The following HPS1 variants were observed in gnomAD, a reference collection of about 807,000 sequenced individuals.
The protein encoded by HPS1 is BLOC-3 complex member HPS1.
HPS1 carries 59 observed loss-of-function variants against 90.6 expected under a neutral mutation model. That is an observed-to-expected ratio of 0.65 (90% CI 0.53 to 0.81). The LOEUF (loss-of-function observed/expected upper bound fraction) is 0.81. HPS1 is among the 30% of genes least tolerant of loss of function. HPS1 has a pLI of 0.00. For synonymous variants in HPS1, 388 were observed against 384.4 expected, an observed-to-expected ratio of 1.01 and a Z score of -0.11; for missense variants, 849 against 896.7, an observed-to-expected ratio of 0.95 and a Z score of 0.68.
At chr10:98,429,961 C>T (rs948641717) in intron 8 of HPS1, 72 bp from the exon 9 acceptor site, 130 of 1,399,482 alleles carry the variant, frequency 9.3e-5, no homozygotes, top group Admixed American at 2.4e-4. Context: ...TGCCTCCCAG[C>T]GCTTCACAGA....
chr10:98,429,769 C>G, intron 9 of HPS1, 22 bp downstream of exon 9: 1 of 1,613,732 alleles, frequency 6.2e-7, no homozygotes, highest in South Asian at 1.1e-5. Context: ...GCCCCTGACT[C>G]CACGAAGTGC....
chr10:98,420,225 G>GAAGGAAGGA (rs1844677841), intron 17 of HPS1, 67 bp from the exon 18 acceptor site: 1 of 1,172,606 alleles, frequency 8.5e-7, no homozygotes, highest in Admixed American at 1.7e-5. Context: ...TCTCACCTCC[G>GAAGGAAGGA]AAGGAAGGAA....
rs983326866 is a variant in HPS1 at position 98,424,669 on chromosome 10, G to A, written c.1336-295C>T. Among the ~76,000 whole-genome samples the A allele has an allele frequency of 7.9e-5, 12 of 152,280 alleles. 1 individual carries two copies. Among genetic ancestry groups the A allele is most frequent in the African/African-American group, 2.9e-4 (12 of 41,558 alleles). On this transcript the variant is annotated intron_variant, in intron 13 of 19. Transcript: ENST00000361490. ...AGCAACCAGGCCAGCCCCTCGGGGT[G>A]GGGGGCACACACAGGGCAGCGGCTG...
chr10:98,439,032 G>C (rs1307455795), intron 3 of HPS1, among the ~76,000 whole-genome samples: 3 of 152,220 alleles, frequency 2.0e-5, no homozygotes, highest in Non-Finnish European at 2.9e-5. Flanking sequence ...CCTACATGTG[G>C]TATTGGGCCC....
Position 98,429,805 on chromosome 10 carries a change from T to TC in HPS1, c.852dup (p.Ser285GlufsTer14). ...ACAGCACACACCGTCTCTGCAGAGCTCCCCCCAGTTGGGCCCGTGGAGTGA... is the reference window on the plus strand; with the variant it reads ...ACAGCACACACCGTCTCTGCAGAGCTCCCCCCCAGTTGGGCCCGTGGAGTGA... On this transcript the variant is annotated frameshift_variant, in exon 9 of 20. Coordinates refer to ENST00000361490, the MANE Select transcript of HPS1 (RefSeq NM_000195.5). LOFTEE classifies it high-confidence loss of function. 1 of 1,613,514 alleles carries TC rather than the reference T, an allele frequency of 6.2e-7. No homozygotes were observed.
intron 3 of HPS1, among the ~76,000 whole-genome samples, chr10:98,439,254 G>A (rs1317052730): frequency 2.0e-5 from 3 of 152,142 alleles, no homozygotes; most frequent in South Asian, 2.1e-4. Context: ...GTAAGAATAG[G>A]GCCATCATCC....
chr10:98,430,996 CA>C, intron 7 of HPS1, 134 bp downstream of exon 7: 1 of 918,936 alleles, frequency 1.1e-6, no homozygotes, highest in Non-Finnish European at 1.7e-6. Context: ...GTTGGAGAAT[CA>C]AATCTGGGAA....
chr10:98,431,364 G>C (rs1427626034), intron 6 of HPS1, 73 bp from the exon 7 acceptor site: 1 of 1,487,602 alleles, frequency 6.7e-7, no homozygotes, highest in Admixed American at 1.8e-5. Context: ...TGGGCTAGTG[G>C]GGACATTCAC....
chr10:98,439,856 A>G (rs963141210), intron 3 of HPS1, among the ~76,000 whole-genome samples: 1 of 152,170 alleles, frequency 6.6e-6, no homozygotes, highest in African/African-American at 2.4e-5. Flanking sequence ...CACAATCCTC[A>G]TATGTCAACG....
At chr10:98,422,299 A>C in intron 17 of HPS1, 70 bp downstream of exon 17, 1 of 1,567,032 alleles carries the variant, frequency 6.4e-7, no homozygotes, top group Non-Finnish European at 8.8e-7. Flanking sequence ...AGGCATGTGG[A>C]TCACACCAGG....
intron 2 of HPS1, among the ~76,000 whole-genome samples, chr10:98,444,210 A>G (rs529118052): frequency 2.4e-4 from 36 of 152,206 alleles, no homozygotes; most frequent in African/African-American, 8.7e-4. Flanking sequence ...TGCAGCTTCT[A>G]GGGCCACAGC....
chr10:98,446,522 G>T (rs1483718756), intron 1 of HPS1, among the ~76,000 whole-genome samples: 2 of 152,170 alleles, frequency 1.3e-5, no homozygotes, highest in Non-Finnish European at 2.9e-5. Context: ...TTCGGAGCCC[G>T]GCCCTGCCCC....
At chr10:98,422,942 T>A (rs1440413901) in intron 16 of HPS1, among the ~76,000 whole-genome samples, 1 of 152,134 alleles carries the variant, frequency 6.6e-6, no homozygotes, top group Non-Finnish European at 1.5e-5. Context: ...AAGGCTCCCA[T>A]TTGGGAGGGG....
rs1462486571 is a variant in HPS1 at position 98,431,009 on chromosome 10, G to T, written c.668+122C>A. On this transcript the variant is annotated intron_variant, in intron 7 of 19. Transcript: ENST00000361490. ...AGGTTGGAGAATCAAATCTGGGAAGGTTTCAGGCTTCATGGAGGAGGTGAT... is the reference window on the plus strand; with the variant it reads ...AGGTTGGAGAATCAAATCTGGGAAGTTTTCAGGCTTCATGGAGGAGGTGAT... 2.9e-6 allele frequency: 3 copies of T among 1,020,308 alleles called. No homozygotes were observed. The East Asian group carries it at 7.8e-5, about 26-fold the overall frequency. The allele number at this position is 1,020,308 out of a possible 1,614,324, so 63.2% of individuals were successfully genotyped here.
intron 10 of HPS1, among the ~76,000 whole-genome samples, chr10:98,427,838 T>C (rs1845819950): frequency 6.6e-6 from 1 of 152,196 alleles, no homozygotes; most frequent in Non-Finnish European, 1.5e-5. Context: ...TTATATTTCA[T>C]TGCAAACAAC....
chr10:98,415,207 G>C (rs1458112430), downstream of HPS1: 2 of 1,540,306 alleles, frequency 1.3e-6, no homozygotes, highest in African/African-American at 2.7e-5. Flanking sequence ...CCTAGGCACG[G>C]GGTGGAGCAG....
chr10:98,439,161 G>T (rs1937944062), intron 3 of HPS1, among the ~76,000 whole-genome samples: 1 of 152,200 alleles, frequency 6.6e-6, no homozygotes, highest in Admixed American at 6.5e-5. Context: ...CCCTCATGGA[G>T]AACCTCTGCT....
rs1196857785 is a variant in HPS1 at position 98,443,126 on chromosome 10, C to T, written c.115G>A (p.Glu39Lys). Reference protein sequence around the residue: ...KFGQSENEEEELPALEDQLST... With the variant: ...KFGQSENEEEKLPALEDQLST... ...GGGACTGCCTACCCTGCACTCACCT[C>T]TTCTTCCTCATTCTCTGACTGCCCG... Residue 39 changes from glutamate (E) to lysine (K), a missense_variant and splice_region_variant, in exon 3 of 20, where the codon GAG (glutamate) becomes AAG (lysine). By Grantham distance (56) the Glu-to-Lys change is moderately conservative (BLOSUM62 1). Coordinates refer to ENST00000361490, the MANE Select transcript of HPS1 (RefSeq NM_000195.5). 2 of 1,608,622 alleles carry T rather than the reference C, an allele frequency of 1.2e-6. No homozygotes were observed. The highest frequency in any genetic ancestry group is 8.5e-7 in the Non-Finnish European group (1 of 1,174,994).
At position 98,418,157 on chromosome 10, in the gene HPS1, C is replaced by T; in HGVS notation, c.1940+18G>A. ...AAATGGGGGCATCTGTCCCCAGTGG[C>T]TCCCAACGCAGCGTCACCTGTAGTA... On this transcript the variant is annotated intron_variant, in intron 19 of 19. Coordinates refer to ENST00000361490, the MANE Select transcript of HPS1 (RefSeq NM_000195.5). The T allele has an allele frequency of 6.4e-7, 1 of 1,561,928 alleles. No homozygotes were observed. Among genetic ancestry groups the T allele is most frequent in the Non-Finnish European group, 8.8e-7 (1 of 1,137,590 alleles).
Sources: gnomAD v4.1 joint callset for allele counts (sites outside exome capture counted in the v4.1 genomes callset) on GRCh38, gnomAD v4.1.1 for gene constraint, MANE v1.5 for transcripts, NCBI Gene and HGNC (gene_info 2026-07-23, HGNC 2026-07-21) for gene names.